MS4A8: variants seen among roughly 807,000 people sequenced by gnomAD.
MS4A8 encodes membrane spanning 4-domains A8.
MS4A8 carries 27 observed loss-of-function variants against 23.7 expected under a neutral mutation model. That is an observed-to-expected ratio of 1.14 (90% CI 0.84 to 1.57). The LOEUF is 1.57. Among genes scored for constraint, MS4A8 ranks in the 40% most tolerant of loss-of-function variants. The pLI is 0.00. For missense variants in MS4A8, 301 were observed against 311.4 expected (o/e 0.97, Z 0.25); for synonymous variants, 138 against 126.3 (o/e 1.09, Z -0.62).
chr11:60,704,075 G>A (rs74195545), intron 3 of MS4A8, among the ~76,000 whole-genome samples: 2,082 of 150,698 alleles, frequency 0.014, 114 homozygotes, highest in Admixed American at 0.1. Flanking sequence ...CTACAACCCC[G>A]CAAGGTGACA....
At chr11:60,703,279 C>A in intron 2 of MS4A8, 99 bp from the exon 3 acceptor site, 2 of 1,321,150 alleles carry the variant, frequency 1.5e-6, no homozygotes, top group Non-Finnish European at 9.9e-7. Context: ...ACTTTTTAGA[C>A]CATGAAAATA....
intron 3 of MS4A8, among the ~76,000 whole-genome samples, chr11:60,706,029 T>C (rs1376263567): frequency 6.6e-6 from 1 of 152,214 alleles, no homozygotes; most frequent in Non-Finnish European, 1.5e-5. Context: ...GATGGGTTGC[T>C]AGTCGGTACG....
chr11:60,708,201 T>C (rs1208602569), intron 4 of MS4A8, among the ~76,000 whole-genome samples: 1 of 152,152 alleles, frequency 6.6e-6, no homozygotes, highest in Non-Finnish European at 1.5e-5. Flanking sequence ...TGAAGATAGT[T>C]ACATGAACTT....
At chr11:60,704,323 G>A (rs960729692) in intron 3 of MS4A8, among the ~76,000 whole-genome samples, 3 of 151,856 alleles carry the variant, frequency 2.0e-5, no homozygotes, top group Admixed American at 6.6e-5. Flanking sequence ...ATTTCACCAC[G>A]TTGGCCAGGC....
At chr11:60,701,208 G>A in intron 2 of MS4A8, 129 bp downstream of exon 2, 1 of 847,832 alleles carries the variant, frequency 1.2e-6, no homozygotes, top group Non-Finnish European at 2.0e-6. Context: ...GCCTTGCCAA[G>A]CACAGGTCTA....
chr11:60,700,970 C>A lies in MS4A8; in HGVS notation c.110C>A (p.Pro37Gln), dbSNP rs1365621729. 1.5e-5 allele frequency: 25 copies of A among 1,614,080 alleles called. No homozygotes were observed. Among genetic ancestry groups the A allele is most frequent in the Non-Finnish European group, 2.0e-5 (24 of 1,180,044 alleles). ...PGIMSHVPLYPNSQPQVHLVP... is the reference protein window; with the variant it reads ...PGIMSHVPLYQNSQPQVHLVP... ...ATTATGTCTCACGTGCCCCTGTATCCAAACAGCCAGCCGCAAGTCCACCTA... is the reference window on the plus strand; with the variant it reads ...ATTATGTCTCACGTGCCCCTGTATCAAAACAGCCAGCCGCAAGTCCACCTA... The change falls in exon 2 of 7, where the codon CCA becomes CAA. Residue 37 changes from proline to glutamine, a missense_variant. Physicochemically the swap from Pro to Gln is moderately conservative, Grantham distance 76. Coordinates refer to ENST00000300226, the MANE Select transcript of MS4A8 (RefSeq NM_031457.2).
At chr11:60,706,361 C>A (rs2088255958) in intron 3 of MS4A8, among the ~76,000 whole-genome samples, 1 of 152,168 alleles carries the variant, frequency 6.6e-6, no homozygotes, top group Non-Finnish European at 1.5e-5. Flanking sequence ...ACATCATCAT[C>A]CTCGTATTTG....
At chr11:60,701,623 G>A (rs1031793611) in intron 2 of MS4A8, 2 of 234,024 alleles carry the variant, frequency 8.5e-6, no homozygotes, top group Non-Finnish European at 1.7e-5. Flanking sequence ...TCCACCCTCA[G>A]ATAGTGCTCA....
At chr11:60,708,098 T>G (rs2088272342) in intron 4 of MS4A8, among the ~76,000 whole-genome samples, 1 of 152,168 alleles carries the variant, frequency 6.6e-6, no homozygotes, top group Non-Finnish European at 1.5e-5. Context: ...TCCACCTGCC[T>G]CAGCCTCCCA....
chr11:60,703,810 T>A (rs2088228135), intron 3 of MS4A8, among the ~76,000 whole-genome samples: 1 of 152,204 alleles, frequency 6.6e-6, no homozygotes, highest in African/African-American at 2.4e-5. Flanking sequence ...CTCCTTGGCT[T>A]GCAGAAGGTC....
intron 5 of MS4A8, among the ~76,000 whole-genome samples, chr11:60,710,571 G>C (rs574490370): frequency 1.3e-5 from 2 of 152,102 alleles, no homozygotes; most frequent in East Asian, 1.9e-4. Context: ...CTGAGCCACC[G>C]CATCTCTCAT....
intron 3 of MS4A8, 144 bp from the exon 4 acceptor site, chr11:60,706,844 C>G (rs1361601257): frequency 2.8e-6 from 2 of 720,202 alleles, no homozygotes; most frequent in Admixed American, 4.0e-5. Context: ...TCAGGCAGTG[C>G]AAAACAGCTC....
At position 60,706,015 on chromosome 11, in the gene MS4A8, C is replaced by T. The variant is rs753125639; in HGVS notation, c.343-973C>T. The stretch of plus-strand genomic sequence containing the variant: ...AGTACTTCATCTGTTGGGGGGAGGG[C>T]GGTGATGGGTTGCTAGTCGGTACGT... On this transcript the variant is annotated intron_variant, in intron 3 of 6. Transcript: ENST00000300226. 9.9e-5 allele frequency among the ~76,000 whole-genome samples: 15 copies of T among 152,114 alleles called. No individual in the cohort carries two copies. In the East Asian group the frequency reaches 1.7e-3, roughly 18 times the overall value.
chr11:60,707,004 C>T lies in MS4A8; in HGVS notation c.359C>T (p.Ser120Phe). 1.2e-6 allele frequency: 2 copies of T among 1,614,128 alleles called. No individual in the cohort carries two copies. Among genetic ancestry groups the T allele is most frequent in the Non-Finnish European group, 1.7e-6 (2 of 1,179,982 alleles). ...CTGTACCAGTTTATCATTTCAGGAT[C>T]TCTCTCCGTGGCAGCAGAAAATCAG... ...WGGLWFIISGSLSVAAENQPY... is the reference protein window; with the variant it reads ...WGGLWFIISGFLSVAAENQPY... Residue 120 changes from serine (S) to phenylalanine (F), a missense_variant, in exon 4 of 7, where the codon TCT becomes TTT. Transcript: ENST00000300226.
intron 3 of MS4A8, among the ~76,000 whole-genome samples, chr11:60,704,693 G>A (rs937005074): frequency 1.3e-5 from 2 of 151,982 alleles, no homozygotes; most frequent in African/African-American, 4.8e-5. Flanking sequence ...TTTCTGGAAG[G>A]GTCCATAGCT....
chr11:60,704,623 C>T (rs2088238019), intron 3 of MS4A8, among the ~76,000 whole-genome samples: 1 of 152,124 alleles, frequency 6.6e-6, no homozygotes, highest in African/African-American at 2.4e-5. Context: ...TCTAGATCTG[C>T]AGATGGGCTT....
At chr11:60,703,552 C>G (rs1384650682) in intron 3 of MS4A8, 52 bp downstream of exon 3, 4 of 1,590,986 alleles carry the variant, frequency 2.5e-6, no homozygotes, top group Non-Finnish European at 3.4e-6. Context: ...TGCCAAGGCA[C>G]TCAAGGCCAC....
intron 3 of MS4A8, among the ~76,000 whole-genome samples, chr11:60,705,199 A>G (rs1269837916): frequency 2.0e-5 from 3 of 152,012 alleles, no homozygotes; most frequent in Admixed American, 6.6e-5. Flanking sequence ...CCCTCCCACA[A>G]CCACTCACAA....
intron 3 of MS4A8, among the ~76,000 whole-genome samples, chr11:60,706,631 A>G (rs2088258310): frequency 6.6e-6 from 1 of 152,216 alleles, no homozygotes; most frequent in Admixed American, 6.5e-5. Flanking sequence ...AAGTGTAAAG[A>G]TATACTAAAT....
Sources: gnomAD v4.1 joint callset for allele counts (sites outside exome capture counted in the v4.1 genomes callset) on GRCh38, gnomAD v4.1.1 for gene constraint, MANE v1.5 for transcripts, NCBI Gene and HGNC (gene_info 2026-07-23, HGNC 2026-07-21) for gene names.